ZFHX3: variants seen among roughly 807,000 people sequenced by gnomAD.
ZFHX3 encodes the protein zinc finger homeobox protein 3.
In ZFHX3, 42 loss-of-function variants were observed where a neutral mutation model predicts 279.1. The observed-to-expected ratio is 0.15, with a 90% confidence interval of 0.12 to 0.19. The LOEUF is 0.19. Among genes scored for constraint, ZFHX3 ranks in the 10% least tolerant of loss-of-function variants. The pLI is 1.00. For missense variants in ZFHX3, 4,981 were observed against 4,754.0 expected (o/e 1.05, Z -1.40); for synonymous variants, 2,293 against 1,957.8 (o/e 1.17, Z -4.52).
At chr16:73,043,736 G>C (rs1159294707) in intron 1 of ZFHX3, among the ~76,000 whole-genome samples, 1 of 152,134 alleles carries the variant, frequency 6.6e-6, no homozygotes, top group African/African-American at 2.4e-5. Flanking sequence ...GCCTTGCTCT[G>C]CACCTCTGTC....
chr16:73,535,578 G>C (rs1389654122), intron 2 of ZFHX3, among the ~76,000 whole-genome samples: 4 of 152,214 alleles, frequency 2.6e-5, no homozygotes, highest in African/African-American at 9.6e-5. Context: ...AGTAGGAAAA[G>C]AGTCTACTGA....
chr16:73,547,504 T>C (rs1174601077), intron 2 of ZFHX3, among the ~76,000 whole-genome samples: 1 of 152,198 alleles, frequency 6.6e-6, no homozygotes, highest in Non-Finnish European at 1.5e-5. Flanking sequence ...ATGAGGTCTC[T>C]AAAGATCCTT....
At chr16:73,592,947 T>C (rs1363662955) in intron 2 of ZFHX3, among the ~76,000 whole-genome samples, 1 of 152,052 alleles carries the variant, frequency 6.6e-6, no homozygotes, top group Non-Finnish European at 1.5e-5. Context: ...TGAAAATGAC[T>C]TACAGATGTG....
At chr16:73,848,611 A>T (rs1287025353) in intron 1 of ZFHX3, among the ~76,000 whole-genome samples, 1 of 152,208 alleles carries the variant, frequency 6.6e-6, no homozygotes, top group African/African-American at 2.4e-5. Context: ...ACACCCATGA[A>T]CATCATATAC....
At chr16:73,271,137 G>A (rs2014132696) in intron 4 of ZFHX3, among the ~76,000 whole-genome samples, 1 of 152,270 alleles carries the variant, frequency 6.6e-6, no homozygotes, top group African/African-American at 2.4e-5. Context: ...GGCGTTGAGT[G>A]GAATATGCCC....
intron 1 of ZFHX3, among the ~76,000 whole-genome samples, chr16:73,736,474 T>C (rs1050889518): frequency 2.6e-5 from 4 of 152,236 alleles, no homozygotes; most frequent in African/African-American, 9.6e-5. Flanking sequence ...ATAAGCCACC[T>C]GCCACATACA....
In ZFHX3 at chr16:73,230,576, T is replaced by C. The variant is rs535226238; in HGVS notation, c.-1104+26471A>G. ...TTCACTGGGCAGCCTTTATGCATCC[T>C]TGGTGATACACAAAAGTCATCCCTT... is the stretch of plus-strand genomic sequence containing the variant. On this transcript the variant is annotated intron_variant, in intron 5 of 17. Transcript: ENST00000641206. 4.6e-5 allele frequency among the ~76,000 whole-genome samples: 7 copies of C among 152,342 alleles called. No homozygotes were observed. In the East Asian group the frequency reaches 1.2e-3, roughly 25 times the overall value.
chr16:73,302,677 T>C (rs2015084003), intron 4 of ZFHX3, among the ~76,000 whole-genome samples: 1 of 148,684 alleles, frequency 6.7e-6, no homozygotes, highest in African/African-American at 2.4e-5. Flanking sequence ...TTTGTATTAA[T>C]GAGGTCAAGC....
At chr16:72,953,226 A>G (rs1239164222) in intron 2 of ZFHX3, among the ~76,000 whole-genome samples, 1 of 151,652 alleles carries the variant, frequency 6.6e-6, no homozygotes, top group Non-Finnish European at 1.5e-5. Flanking sequence ...CTGTCTTCCC[A>G]TCTCCCCTGG....
intron 8 of ZFHX3, chr16:73,093,227 G>A (rs146441647): frequency 9.9e-5 from 51 of 517,428 alleles, no homozygotes; most frequent in African/African-American, 6.9e-4. Context: ...GGAATGATCC[G>A]GTCCTACCTG....
intron 1 of ZFHX3, among the ~76,000 whole-genome samples, chr16:73,836,292 T>C (rs1196555877): frequency 3.9e-5 from 6 of 152,202 alleles, no homozygotes; most frequent in African/African-American, 1.4e-4. Context: ...CAGGAGACAG[T>C]AAGCAACTTG....
chr16:73,174,168 C>G (rs1170973283), intron 5 of ZFHX3, among the ~76,000 whole-genome samples: 1 of 152,068 alleles, frequency 6.6e-6, no homozygotes, highest in Non-Finnish European at 1.5e-5. Flanking sequence ...TCTCTCTTCT[C>G]TGCATGGAGA....
chr16:73,855,842 G>A (rs190477708), intron 1 of ZFHX3, among the ~76,000 whole-genome samples: 4 of 152,176 alleles, frequency 2.6e-5, no homozygotes, highest in Admixed American at 1.3e-4. Context: ...GGATATCTGG[G>A]GCAAGGTTTT....
chr16:73,544,275 CT>C (rs2020071706), intron 2 of ZFHX3, among the ~76,000 whole-genome samples: 1 of 152,306 alleles, frequency 6.6e-6, no homozygotes, highest in African/African-American at 2.4e-5. Flanking sequence ...CGGGGCTTCT[CT>C]TTTCCTTCTC....
chr16:73,190,424 G>C (rs563875077), intron 5 of ZFHX3, among the ~76,000 whole-genome samples: 3 of 152,210 alleles, frequency 2.0e-5, no homozygotes, highest in African/African-American at 4.8e-5. Flanking sequence ...CTCACACATA[G>C]ATTGCCTTTT....
At chr16:73,568,677 C>T (rs977691741) in intron 2 of ZFHX3, among the ~76,000 whole-genome samples, 7 of 152,190 alleles carry the variant, frequency 4.6e-5, no homozygotes, top group Admixed American at 4.6e-4. Context: ...CATTCACCAC[C>T]GTCATTGCCA....
At chr16:73,298,026 A>C (rs1019416087) in intron 4 of ZFHX3, among the ~76,000 whole-genome samples, 1 of 151,424 alleles carries the variant, frequency 6.6e-6, no homozygotes, top group Non-Finnish European at 1.5e-5. Context: ...CTCTAAAAAA[A>C]ATAAATAAAT....
At chr16:73,362,108 C>T (rs943026671) in intron 3 of ZFHX3, among the ~76,000 whole-genome samples, 11 of 150,848 alleles carry the variant, frequency 7.3e-5, no homozygotes, top group African/African-American at 2.0e-4. Flanking sequence ...TTTAGTTTTC[C>T]AACAAGGGCC....
At position 73,457,059 on chromosome 16, in the gene ZFHX3, C is replaced by T. The variant is rs78372221; in HGVS notation, c.-1546-801G>A. On this transcript the variant is annotated intron_variant, in intron 2 of 17. Transcript: ENST00000641206. ...ACTTTGGTTAGAAATGGAGGTAAAACCACCACATATAGAGGGTAGCGGAGC... is the reference window on the plus strand; with the variant it reads ...ACTTTGGTTAGAAATGGAGGTAAAATCACCACATATAGAGGGTAGCGGAGC... Among the ~76,000 whole-genome samples, 1,387 of 152,302 alleles carry T rather than the reference C, an allele frequency of 9.1e-3. 17 individuals are homozygous for T. Among genetic ancestry groups the T allele is most frequent in the African/African-American group, 0.031 (1,292 of 41,560 alleles).
Sources: allele counts gnomAD v4.1 joint callset (sites outside exome capture counted in the v4.1 genomes callset), GRCh38; gene constraint gnomAD v4.1.1; transcripts MANE v1.5; gene names NCBI Gene and HGNC (gene_info 2026-07-23, HGNC 2026-07-21).